DCAF8L2: variants seen among roughly 807,000 people sequenced by gnomAD.
The protein encoded by DCAF8L2 is DDB1 and CUL4 associated factor 8 like 2, also known as DDB1- and CUL4-associated factor 8-like protein 2.
For synonymous variants in DCAF8L2, 200 were observed against 190.9 expected (o/e 1.05, Z -0.39); for missense variants, 430 against 490.7 (o/e 0.88, Z 1.17).
At position 27,699,526 on chromosome X, in the gene DCAF8L2, G is replaced by T. The variant is rs191882164; in HGVS notation, c.-142-16562G>T. Among the ~76,000 whole-genome samples the T allele has an allele frequency of 5.5e-4, 61 of 111,605 alleles. No homozygotes were observed. In the Admixed American group the frequency reaches 5.8e-3, roughly 11 times the overall value. On this transcript the variant is annotated intron_variant, in intron 3 of 4. Coordinates refer to ENST00000451261, the MANE Select transcript of DCAF8L2 (RefSeq NM_001353450.2). ...TGACTTGGTTTCCATGGCAAAAAGT[G>T]GGTCTATAGAGGAGCAAATGTGGAT...
chrX:27,623,773 A>G (rs1369281286), intron 1 of DCAF8L2, among the ~76,000 whole-genome samples: 2 of 111,803 alleles, frequency 1.8e-5, no homozygotes, highest in Admixed American at 9.5e-5. Flanking sequence ...ATAGCAATGC[A>G]GATTTAAACA....
the DCAF8L2 span, among the ~76,000 whole-genome samples, chrX:27,528,064 T>TTTTAATTTAATTAATTATTAAATTAAATA: frequency 1.9e-5 from 2 of 106,179 alleles, no homozygotes; most frequent in Non-Finnish European, 3.9e-5. Context: ...TAAATTAAAT[T>TTTTAATTTAATTAATTATTAAATTAAATA]TTTAATTTAA....
At chrX:27,520,062 T>A in the DCAF8L2 span, among the ~76,000 whole-genome samples, 1 of 111,926 alleles carries the variant, frequency 8.9e-6, no homozygotes, top group Non-Finnish European at 1.9e-5. Flanking sequence ...TGTATTATAT[T>A]CACTTGGAAA....
the DCAF8L2 span, among the ~76,000 whole-genome samples, chrX:27,514,706 AAAC>A: frequency 5.9e-5 from 6 of 101,026 alleles, no homozygotes; most frequent in African/African-American, 2.5e-4. Context: ...CAAAAAAAAA[AAAC>A]AGAGTGAAAT....
intron 3 of DCAF8L2, among the ~76,000 whole-genome samples, chrX:27,697,120 T>G (rs1930955058): frequency 9.0e-6 from 1 of 111,285 alleles, no homozygotes; most frequent in African/African-American, 3.3e-5. Context: ...GTACTTCTTT[T>G]CAGGCAAAAA....
At chrX:27,700,176 A>T (rs931469167) in intron 3 of DCAF8L2, among the ~76,000 whole-genome samples, 1 of 111,498 alleles carries the variant, frequency 9.0e-6, no homozygotes, top group Non-Finnish European at 1.9e-5. Flanking sequence ...CCTTGGATCA[A>T]CCCATCCAAT....
chrX:27,499,329 T>C, the DCAF8L2 span, among the ~76,000 whole-genome samples: 2 of 112,258 alleles, frequency 1.8e-5, no homozygotes, highest in Admixed American at 1.9e-4. Flanking sequence ...ATTAGTGAAG[T>C]TGAACACCTT....
chrX:27,679,537 T>A (rs368494674), intron 3 of DCAF8L2, among the ~76,000 whole-genome samples: 1 of 110,990 alleles, frequency 9.0e-6, no homozygotes, highest in African/African-American at 3.3e-5. Flanking sequence ...CTAGGAGTAA[T>A]AGATTGCATC....
chrX:27,502,873 A>G, the DCAF8L2 span, among the ~76,000 whole-genome samples: 3 of 111,864 alleles, frequency 2.7e-5, no homozygotes, highest in South Asian at 1.1e-3. Flanking sequence ...GATATCATCA[A>G]TGTATCAGTT....
At chrX:27,657,439 TCACC>T (rs1052136483) in intron 2 of DCAF8L2, among the ~76,000 whole-genome samples, 1 of 111,487 alleles carries the variant, frequency 9.0e-6, no homozygotes, top group African/African-American at 3.3e-5. Context: ...TTGTCTAGTA[TCACC>T]CTACCAGCAA....
chrX:27,732,143 G>A (rs1350383835), intron 4 of DCAF8L2, among the ~76,000 whole-genome samples: 1 of 111,560 alleles, frequency 9.0e-6, no homozygotes, highest in Non-Finnish European at 1.9e-5. Flanking sequence ...TGTGATAAGA[G>A]CACCAGAAAT....
In DCAF8L2 at chrX:27,687,226, C is replaced by G. The variant is rs769655248; in HGVS notation, c.-143+9314C>G. Among the ~76,000 whole-genome samples, 3 of 112,059 alleles carry G rather than the reference C, an allele frequency of 2.7e-5. No individual in the cohort carries two copies. The South Asian group carries it at 1.1e-3, about 41-fold the overall frequency. On this transcript the variant is annotated intron_variant, in intron 3 of 4. Transcript: ENST00000451261. ...TGTGTCCACGAAAATAAAATAAAATCTTTGCACAGAGGGAAAATGACTGTA... is the reference window on the plus strand; with the variant it reads ...TGTGTCCACGAAAATAAAATAAAATGTTTGCACAGAGGGAAAATGACTGTA...
the DCAF8L2 span, among the ~76,000 whole-genome samples, chrX:27,573,262 A>G: frequency 1.3e-5 from 1 of 78,862 alleles, no homozygotes; most frequent in Non-Finnish European, 2.9e-5. Context: ...TCTCACACAC[A>G]CACACACACA....
chrX:27,650,336 T>C (rs886585474), intron 2 of DCAF8L2, among the ~76,000 whole-genome samples: 1 of 111,754 alleles, frequency 8.9e-6, no homozygotes, highest in Admixed American at 9.5e-5. Context: ...CTGTGAAAAA[T>C]GATGTTGGCA....
chrX:27,508,282 T>A, the DCAF8L2 span, among the ~76,000 whole-genome samples: 1 of 110,898 alleles, frequency 9.0e-6, no homozygotes, highest in Non-Finnish European at 1.9e-5. Flanking sequence ...GCTTTCAAAT[T>A]GAAACAAAAG....
chrX:27,473,012 T>C, the DCAF8L2 span, among the ~76,000 whole-genome samples: 3 of 111,979 alleles, frequency 2.7e-5, no homozygotes, highest in Non-Finnish European at 3.8e-5. Flanking sequence ...TCTAGATTTT[T>C]CCCACTCTGA....
chrX:27,742,658 G>T (rs766939203), intron 4 of DCAF8L2, among the ~76,000 whole-genome samples: 1 of 111,034 alleles, frequency 9.0e-6, no homozygotes, highest in Admixed American at 9.5e-5. Context: ...GCTGCTCAAG[G>T]TTCCTGATTC....
At chrX:27,583,105 C>G in the DCAF8L2 span, among the ~76,000 whole-genome samples, 1 of 111,104 alleles carries the variant, frequency 9.0e-6, no homozygotes, top group Admixed American at 9.7e-5. Flanking sequence ...GCCTTCTTCC[C>G]TATTTATTTA....
the DCAF8L2 span, among the ~76,000 whole-genome samples, chrX:27,557,717 G>A: frequency 6.5e-5 from 7 of 108,055 alleles, no homozygotes; most frequent in Non-Finnish European, 1.4e-4. Flanking sequence ...GTGACCTGAC[G>A]AAAAAGTTCT....
Sources: allele counts gnomAD v4.1 joint callset (sites outside exome capture counted in the v4.1 genomes callset), GRCh38; gene constraint gnomAD v4.1.1; transcripts MANE v1.5; gene names NCBI Gene and HGNC (gene_info 2026-07-23, HGNC 2026-07-21).